The following CLIP1 variants were observed in gnomAD, a reference collection of about 807,000 sequenced individuals.
CLIP1 encodes the protein CAP-Gly domain-containing linker protein 1.
A neutral mutation model predicts 161.6 loss-of-function variants in CLIP1; 66 were observed. That is an observed-to-expected ratio of 0.41 (90% confidence interval 0.33 to 0.50). The LOEUF (loss-of-function observed/expected upper bound fraction) is 0.50. Among genes scored for constraint, CLIP1 ranks in the 20% least tolerant of loss-of-function variants. CLIP1 has a pLI of 0.27. For synonymous variants in CLIP1, 598 were observed against 626.2 expected (o/e 0.96, Z 0.67); for missense variants, 1,376 against 1,702.0 (o/e 0.81, Z 3.37).
At chr12:122,359,722 A>G (rs187623447) in intron 5 of CLIP1, among the ~76,000 whole-genome samples, 6 of 152,328 alleles carry the variant, frequency 3.9e-5, no homozygotes, top group Admixed American at 2.0e-4. Context: ...CCCCACGTGA[A>G]GATTTCAGCA....
At chr12:122,409,784 G>A (rs1054049365) in intron 1 of CLIP1, among the ~76,000 whole-genome samples, 35 of 152,032 alleles carry the variant, frequency 2.3e-4, no homozygotes, top group African/African-American at 7.0e-4. Flanking sequence ...TACCCACCTT[G>A]GCCTCCCAAA....
In CLIP1 at chr12:122,403,494, GTTTTGTTTTTTTTT is replaced by G. The variant is rs560103920; in HGVS notation, c.-107+19013_-107+19026del. 1.3e-4 allele frequency among the ~76,000 whole-genome samples: 7 copies of G among 55,816 alleles called. No homozygotes were observed. In the South Asian group the frequency reaches 6.0e-3, roughly 48 times the overall value. 36.6% of individuals were successfully genotyped at this position (55,816 alleles called of 152,430 possible). ...AATACAGTAGGAGACATCATTTCTT[GTTTTGTTTTTTTTT>G]TTTTTTTTTTTGGTCTGTTTGTTTT... On this transcript the variant is annotated intron_variant, in intron 1 of 25. Transcript: ENST00000620786.
chr12:122,352,836 G>A, intron 7 of CLIP1, 50 bp from the exon 8 acceptor site: 1 of 1,476,152 alleles, frequency 6.8e-7, no homozygotes, highest in Non-Finnish European at 9.5e-7. Context: ...GTAACACACA[G>A]CCTTTAAAAA....
At chr12:122,284,028 G>A (rs1484720074) in intron 21 of CLIP1, among the ~76,000 whole-genome samples, 1 of 152,008 alleles carries the variant, frequency 6.6e-6, no homozygotes, top group Non-Finnish European at 1.5e-5. Context: ...ACCATTACAC[G>A]CATAGGCCTA....
At chr12:122,284,145 A>G (rs1955755512) in intron 21 of CLIP1, among the ~76,000 whole-genome samples, 1 of 152,146 alleles carries the variant, frequency 6.6e-6, no homozygotes, top group South Asian at 2.1e-4. Context: ...AACTTTCCAT[A>G]AGGGTTAATT....
At chr12:122,309,406 GA>G (rs1382172656) in intron 20 of CLIP1, among the ~76,000 whole-genome samples, 1 of 152,088 alleles carries the variant, frequency 6.6e-6, no homozygotes, top group Non-Finnish European at 1.5e-5. Context: ...TGATGAAAGT[GA>G]AAAAAATCTT....
chr12:122,321,347 GTGATTCTAC>G (rs1566113682), intron 17 of CLIP1, among the ~76,000 whole-genome samples: 1 of 151,642 alleles, frequency 6.6e-6, no homozygotes, highest in Non-Finnish European at 1.5e-5. Flanking sequence ...CTGGATTCAA[GTGATTCTAC>G]TGCCTCAGCC....
intron 3 of CLIP1, among the ~76,000 whole-genome samples, chr12:122,371,200 T>C (rs1305863378): frequency 6.6e-6 from 1 of 152,154 alleles, no homozygotes; most frequent in East Asian, 1.9e-4. Flanking sequence ...TTAGGAGATG[T>C]GATCCAGTAA....
chr12:122,392,767 A>G (rs1429748163), intron 1 of CLIP1, among the ~76,000 whole-genome samples: 3 of 152,058 alleles, frequency 2.0e-5, no homozygotes, highest in African/African-American at 7.2e-5. Context: ...ATACATACTA[A>G]AAGCACAAAA....
At chr12:122,310,453 C>T (rs1351996711) in intron 19 of CLIP1, among the ~76,000 whole-genome samples, 1 of 152,170 alleles carries the variant, frequency 6.6e-6, no homozygotes, top group East Asian at 1.9e-4. Flanking sequence ...TTCCTAATTA[C>T]ATAACAGGTG....
At chr12:122,390,035 C>T (rs1955527279) in intron 1 of CLIP1, among the ~76,000 whole-genome samples, 1 of 149,148 alleles carries the variant, frequency 6.7e-6, no homozygotes, top group South Asian at 2.1e-4. Flanking sequence ...ATGTGACGCG[C>T]CTGTTCCCCC....
chr12:122,275,937 G>GCC (rs10670988), intron 24 of CLIP1: 68,232 of 152,094 alleles, frequency 0.45, 17,229 homozygotes, highest in East Asian at 0.68. Flanking sequence ...CATGCCAAGA[G>GCC]CTGGGGCAGT....
intron 20 of CLIP1, among the ~76,000 whole-genome samples, chr12:122,298,445 T>TA (rs978637179): frequency 2.7e-5 from 4 of 150,294 alleles, no homozygotes; most frequent in African/African-American, 9.8e-5. Context: ...CCACTAAAAA[T>TA]AAAAAAAAAT....
At chr12:122,284,470 A>G (rs889821512) in intron 21 of CLIP1, among the ~76,000 whole-genome samples, 3 of 151,728 alleles carry the variant, frequency 2.0e-5, no homozygotes, top group Admixed American at 6.6e-5. Flanking sequence ...CTCCTGCCTC[A>G]GCCTCCTGAG....
chr12:122,281,285 C>T (rs1955634206), intron 21 of CLIP1, among the ~76,000 whole-genome samples: 1 of 152,170 alleles, frequency 6.6e-6, no homozygotes, highest in Non-Finnish European at 1.5e-5. Context: ...CTTGTTAGGA[C>T]ATAGGCTCTT....
intron 1 of CLIP1, among the ~76,000 whole-genome samples, chr12:122,398,685 T>C (rs531460040): frequency 2.6e-4 from 39 of 151,576 alleles, no homozygotes; most frequent in East Asian, 1.6e-3. Flanking sequence ...CTGGGCAACA[T>C]AGTGAAACCC....
chr12:122,303,221 C>T (rs560186738), intron 20 of CLIP1, among the ~76,000 whole-genome samples: 1 of 152,288 alleles, frequency 6.6e-6, no homozygotes, highest in East Asian at 1.9e-4. Context: ...TTGAGTTTTA[C>T]ATAACACAAA....
chr12:122,297,238 G>A (rs1252701252), intron 20 of CLIP1, among the ~76,000 whole-genome samples: 1 of 152,074 alleles, frequency 6.6e-6, no homozygotes, highest in Non-Finnish European at 1.5e-5. Flanking sequence ...TGTCAGCTAC[G>A]CTAAGAAAAA....
At chr12:122,318,325 G>A (rs2136615485) in intron 18 of CLIP1, among the ~76,000 whole-genome samples, 1 of 152,304 alleles carries the variant, frequency 6.6e-6, no homozygotes, top group South Asian at 2.1e-4. Context: ...ACGAGGTCAG[G>A]AGTTCCAGAA....
Sources: gnomAD v4.1 joint callset for allele counts (sites outside exome capture counted in the v4.1 genomes callset) on GRCh38, gnomAD v4.1.1 for gene constraint, MANE v1.5 for transcripts, NCBI Gene and HGNC (gene_info 2026-07-23, HGNC 2026-07-21) for gene names.